The following EDDM3A variants were observed in gnomAD, a reference collection of about 807,000 sequenced individuals.
EDDM3A encodes epididymal protein 3A, also known as epididymal secretory protein E3-alpha.
For synonymous variants in EDDM3A, 75 were observed against 60.4 expected, an observed-to-expected ratio of 1.24 and a Z score of -1.12; for missense variants, 199 against 177.4, an observed-to-expected ratio of 1.12 and a Z score of -0.69.
the EDDM3A span, among the ~76,000 whole-genome samples, chr14:20,738,945 TTCTC>T: frequency 1.3e-5 from 2 of 152,230 alleles, no homozygotes; most frequent in African/African-American, 4.8e-5. Flanking sequence ...AGAGTCACCT[TTCTC>T]TATCTGGCAC....
upstream of EDDM3A, among the ~76,000 whole-genome samples, chr14:20,745,230 A>AG (rs1877547382): frequency 6.6e-6 from 1 of 151,140 alleles, no homozygotes; most frequent in Non-Finnish European, 1.5e-5. Context: ...TGTCAAAAAA[A>AG]AAAAAAAGGC....
At chr14:20,737,906 A>C in the EDDM3A span, among the ~76,000 whole-genome samples, 1 of 152,228 alleles carries the variant, frequency 6.6e-6, no homozygotes, top group South Asian at 2.1e-4. Context: ...AAAGTGCTAA[A>C]CATTAAAGTA....
chr14:20,742,555 G>A (rs1324774584), upstream of EDDM3A, among the ~76,000 whole-genome samples: 1 of 152,136 alleles, frequency 6.6e-6, no homozygotes, highest in Non-Finnish European at 1.5e-5. Flanking sequence ...CAAGGAGTAT[G>A]GGGTTAGGGT....
upstream of EDDM3A, among the ~76,000 whole-genome samples, chr14:20,741,438 T>C (rs1384842190): frequency 6.6e-6 from 1 of 152,084 alleles, no homozygotes; most frequent in Non-Finnish European, 1.5e-5. Context: ...CAAAGAGAAC[T>C]ATAAAACATG....
At chr14:20,739,434 G>T in the EDDM3A span, among the ~76,000 whole-genome samples, 3 of 152,104 alleles carry the variant, frequency 2.0e-5, no homozygotes, top group African/African-American at 7.2e-5. Flanking sequence ...CTCTTTTGTG[G>T]ACCTTATAGG....
the EDDM3A span, among the ~76,000 whole-genome samples, chr14:20,739,138 C>G: frequency 6.6e-6 from 1 of 152,162 alleles, no homozygotes; most frequent in Non-Finnish European, 1.5e-5. Context: ...TTCTGATCTC[C>G]TATAGTAGAT....
the EDDM3A span, among the ~76,000 whole-genome samples, chr14:20,740,591 A>G: frequency 6.6e-6 from 1 of 152,220 alleles, no homozygotes; most frequent in South Asian, 2.1e-4. Flanking sequence ...AGGAGCACAT[A>G]GGGACGTACA....
chr14:20,747,929 A>G lies in EDDM3A; in HGVS notation c.349A>G (p.Ser117Gly). ...WEKYNNRYTE[S>G]RSFSYIEFHC... Reference sequence around the variant, plus strand: ...GAAGTACAACAATAGGTACACAGAGAGCAGAAGCTTCAGCTACATTGAATT... The same window carrying G: ...GAAGTACAACAATAGGTACACAGAGGGCAGAAGCTTCAGCTACATTGAATT... Residue 117 changes from serine to glycine, a missense_variant, in exon 2 of 2, where the codon AGC (serine) becomes GGC (glycine). Coordinates refer to ENST00000326842, the MANE Select transcript of EDDM3A (RefSeq NM_006683.5). 1 of 1,614,154 alleles carries G rather than the reference A, an allele frequency of 6.2e-7. No individual in the cohort carries two copies. The highest frequency in any genetic ancestry group is 8.5e-7 in the Non-Finnish European group (1 of 1,179,986).
upstream of EDDM3A, among the ~76,000 whole-genome samples, chr14:20,742,195 GTGGGT>G (rs1877455009): frequency 6.6e-6 from 1 of 152,228 alleles, no homozygotes; most frequent in Non-Finnish European, 1.5e-5. Context: ...CCTACAAGAG[GTGGGT>G]ACTGATTCCC....
At chr14:20,738,113 C>T in the EDDM3A span, among the ~76,000 whole-genome samples, 1 of 152,110 alleles carries the variant, frequency 6.6e-6, no homozygotes, top group African/African-American at 2.4e-5. Context: ...TTTGAGTGCA[C>T]CTGGGGAGGA....
the EDDM3A span, among the ~76,000 whole-genome samples, chr14:20,737,544 G>A: frequency 1.3e-5 from 2 of 152,134 alleles, no homozygotes; most frequent in Non-Finnish European, 2.9e-5. Context: ...CCTTAAGAAG[G>A]TTTCTAAGAA....
At chr14:20,746,861 C>T (rs1344633767) in intron 1 of EDDM3A, among the ~76,000 whole-genome samples, 1 of 152,194 alleles carries the variant, frequency 6.6e-6, no homozygotes, top group African/African-American at 2.4e-5. Flanking sequence ...CCTTAAAATG[C>T]AACAATCTTT....
chr14:20,743,659 T>C (rs1219049154), upstream of EDDM3A, among the ~76,000 whole-genome samples: 2 of 151,664 alleles, frequency 1.3e-5, no homozygotes, highest in Non-Finnish European at 2.9e-5. Context: ...TAAAGGGGAA[T>C]ACCTCCTTAA....
At chr14:20,738,506 T>TAAACAAAC in the EDDM3A span, among the ~76,000 whole-genome samples, 6 of 144,426 alleles carry the variant, frequency 4.2e-5, no homozygotes, top group African/African-American at 1.6e-4. Context: ...AATAAATAAA[T>TAAACAAAC]AAACAGTAGC....
In EDDM3A at chr14:20,747,460, G is replaced by A. The variant is rs1877629668; in HGVS notation, c.-26-95G>A. On this transcript the variant is annotated intron_variant, in intron 1 of 1. Transcript: ENST00000326842. ...ATATGGAACCAAATAGCAATATAGT[G>A]CCCAAGTACCTGCTTGGCAGGGAAA... 5.6e-6 allele frequency: 4 copies of A among 716,528 alleles called. No individual in the cohort carries two copies. In the East Asian group the frequency reaches 1.0e-4, roughly 18 times the overall value. 44.4% of individuals were successfully genotyped at this position (716,528 alleles called of 1,614,324 possible). A position where few individuals can be genotyped will look rare whatever the true frequency, so the allele number is the denominator to read the frequency against.
chr14:20,740,269 G>A, the EDDM3A span, among the ~76,000 whole-genome samples: 15 of 152,252 alleles, frequency 9.9e-5, no homozygotes, highest in African/African-American at 3.4e-4. Flanking sequence ...AAAGTTTAGT[G>A]GAGAGCTAGC....
chr14:20,746,336 A>T (rs913669498), intron 1 of EDDM3A, among the ~76,000 whole-genome samples: 1 of 151,570 alleles, frequency 6.6e-6, no homozygotes, highest in African/African-American at 2.4e-5. Flanking sequence ...ATCTCATTAG[A>T]CTCTTGCAGG....
chr14:20,747,982 T>A lies in EDDM3A; in HGVS notation c.402T>A (p.Asp134Glu), dbSNP rs779037830. ...ATTGTGGCGTAGATGGATATGTTGA[T>A]AACATAGAAGACCTGAGGATTATAG... ...EFHCGVDGYV[D>E]NIEDLRIIEP... The change falls in exon 2 of 2, where the codon GAT becomes GAA. Residue 134 changes from aspartate to glutamate, a missense_variant. Physicochemically the swap from Asp to Glu is conservative, Grantham distance 45 (BLOSUM62 2). Coordinates refer to ENST00000326842, the MANE Select transcript of EDDM3A (RefSeq NM_006683.5). 3.1e-6 allele frequency: 5 copies of A among 1,612,702 alleles called. No homozygotes were observed. The South Asian group carries it at 5.5e-5, about 18-fold the overall frequency.
rs1183586405 is a variant in EDDM3A, at chr14:20,747,871, A to G, written c.291A>G (p.Pro97=). The G allele has an allele frequency of 6.2e-7, 1 of 1,614,200 alleles. No individual in the cohort carries two copies. Among genetic ancestry groups the G allele is most frequent in the Non-Finnish European group, 8.5e-7 (1 of 1,180,030 alleles). The part of the protein sequence containing the change: ...DRYRNAYVWA[P]GALKVLECHW... ...ATAGAAATGCATATGTATGGGCCCC[A>G]GGTGCCCTCAAAGTACTCGAGTGTC... Residue 97 remains proline, a synonymous_variant, in exon 2 of 2, where the codon CCA becomes CCG. Transcript: ENST00000326842.
Sources: gnomAD v4.1 joint callset for allele counts (sites outside exome capture counted in the v4.1 genomes callset) on GRCh38, gnomAD v4.1.1 for gene constraint, MANE v1.5 for transcripts, NCBI Gene and HGNC (gene_info 2026-07-23, HGNC 2026-07-21) for gene names.